MC5R: variants seen among roughly 807,000 people sequenced by gnomAD.
The protein encoded by MC5R is melanocortin 5 receptor.
For missense variants in MC5R, 420 were observed against 431.4 expected (o/e 0.97, Z 0.23); for synonymous variants, 167 against 164.4 (o/e 1.02, Z -0.12).
chr18:13,826,764 T>G lies in MC5R; in HGVS notation c.*21T>G. 6.3e-7 allele frequency: 1 copy of G among 1,580,660 alleles called. No individual in the cohort carries two copies. Among genetic ancestry groups the G allele is most frequent in the Non-Finnish European group, 8.6e-7 (1 of 1,166,698 alleles). ...ATTAAGCACAAAGTGCTCCTCTCTG[T>G]GGCTCTGTTCTCCTTTGTTTGCTCA... On this transcript the variant is annotated 3_prime_UTR_variant, in exon 2 of 2. Coordinates refer to ENST00000589410, the MANE Select transcript of MC5R (RefSeq NM_005913.3).
chr18:13,826,364 T>C lies in MC5R; in HGVS notation c.599T>C (p.Leu200Pro), dbSNP rs1376504095. 6.2e-7 allele frequency: 1 copy of C among 1,614,058 alleles called. No homozygotes were observed. The highest frequency in any genetic ancestry group is 8.5e-7 in the Non-Finnish European group (1 of 1,180,046). Residue 200 changes from leucine to proline, a missense_variant, in exon 2 of 2, where the codon CTC becomes CCC. Leu to Pro is a moderately conservative substitution (Grantham distance 98, BLOSUM62 -3). Transcript: ENST00000589410. ...TCCATGTTCTTCGCTATGCTGTTCC[T>C]CCTGGTGTCTCTGTACATACACATG... ...LISMFFAMLFLLVSLYIHMFL... is the reference protein window; with the variant it reads ...LISMFFAMLFPLVSLYIHMFL...
chr18:13,827,071 C>A lies in MC5R; in HGVS notation c.*328C>A. On this transcript the variant is annotated 3_prime_UTR_variant, in exon 2 of 2. Coordinates refer to ENST00000589410, the MANE Select transcript of MC5R (RefSeq NM_005913.3). ...GAATGCACAGCACCCTCAGTGCAAG[C>A]CAGACATGATGAAACACGTATTGTG... 7.6e-6 allele frequency: 2 copies of A among 262,946 alleles called. No homozygotes were observed. Among genetic ancestry groups the A allele is most frequent in the South Asian group, 2.0e-4 (2 of 10,252 alleles). The allele number at this position is 262,946 out of a possible 1,614,324, so 16.3% of individuals were successfully genotyped here. A position where few individuals can be genotyped will look rare whatever the true frequency, so the allele number is the denominator to read the frequency against.
chr18:13,826,569 C>T lies in MC5R; in HGVS notation c.804C>T (p.Leu268=). 6.2e-7 allele frequency: 1 copy of T among 1,614,192 alleles called. No homozygotes were observed. The change falls in exon 2 of 2, where the codon CTC becomes CTT. Residue 268 remains leucine, a synonymous_variant. Transcript: ENST00000589410. ...TAATGCTTTCTTGCCCTCAGAACCT[C>T]TACTGCTCTCGCTTCATGTCTCACT... is the stretch of plus-strand genomic sequence containing the variant. ...LTLMLSCPQN[L]YCSRFMSHFN...
At chr18:13,825,620 T>C (rs2044923516) in intron 1 of MC5R, 107 bp from the exon 2 acceptor site, 1 of 651,276 alleles carries the variant, frequency 1.5e-6, no homozygotes. Context: ...TGATGCACTG[T>C]GTCATTCATC....
Position 13,826,303 on chromosome 18 carries a change from T to C in MC5R, c.538T>C (p.Tyr180His). Residue 180 changes from tyrosine to histidine, a missense_variant, in exon 2 of 2, where the codon TAC (tyrosine) becomes CAC (histidine). Transcript: ENST00000589410. ...GGGCTGCGGCATTGTCTTCATCCTGTACTCAGAATCCACCTACGTCATCCT... is the reference window on the plus strand; with the variant it reads ...GGGCTGCGGCATTGTCTTCATCCTGCACTCAGAATCCACCTACGTCATCCT... ...CTGCGIVFIL[Y>H]SESTYVILCL... is the part of the protein sequence containing the mutation. 1 of 1,614,210 alleles carries C rather than the reference T, an allele frequency of 6.2e-7. No homozygotes were observed. Among genetic ancestry groups the C allele is most frequent in the Non-Finnish European group, 8.5e-7 (1 of 1,180,040 alleles).
intron 1 of MC5R, 124 bp downstream of exon 1, chr18:13,824,398 G>T (rs1484954044): frequency 1.3e-5 from 2 of 152,248 alleles, no homozygotes; most frequent in African/African-American, 4.8e-5. Context: ...AACACAGCTC[G>T]ATATGATGTT....
chr18:13,824,882 C>G (rs2044918908), intron 1 of MC5R, among the ~76,000 whole-genome samples: 1 of 151,802 alleles, frequency 6.6e-6, no homozygotes, highest in South Asian at 2.1e-4. Flanking sequence ...CCACATAATG[C>G]AGAAGCGAGG....
chr18:13,826,253 T>A lies in MC5R; in HGVS notation c.488T>A (p.Ile163Asn). The change falls in exon 2 of 2, where the codon ATC becomes AAC. Residue 163 changes from isoleucine to asparagine, a missense_variant. Coordinates refer to ENST00000589410, the MANE Select transcript of MC5R (RefSeq NM_005913.3). ...IMTARRSGAIIAGIWAFCTGC... is the reference protein window; with the variant it reads ...IMTARRSGAINAGIWAFCTGC... ...ACGGCGAGGCGCTCAGGGGCCATCA[T>A]CGCCGGCATCTGGGCTTTCTGCACG... The A allele has an allele frequency of 6.2e-7, 1 of 1,614,164 alleles. No individual in the cohort carries two copies. Among genetic ancestry groups the A allele is most frequent in the Non-Finnish European group, 8.5e-7 (1 of 1,180,022 alleles).
At chr18:13,824,695 T>A (rs987236208) in intron 1 of MC5R, among the ~76,000 whole-genome samples, 2 of 151,994 alleles carry the variant, frequency 1.3e-5, no homozygotes, top group African/African-American at 4.8e-5. Context: ...ATGACAGTGA[T>A]GACAGAAATT....
At chr18:13,825,145 C>A (rs368918798) in intron 1 of MC5R, among the ~76,000 whole-genome samples, 1 of 152,152 alleles carries the variant, frequency 6.6e-6, no homozygotes. Context: ...AGTCTTAAAT[C>A]GGAGCTCCCT....
chr18:13,825,130 T>C (rs2149123937), intron 1 of MC5R, among the ~76,000 whole-genome samples: 1 of 152,328 alleles, frequency 6.6e-6, no homozygotes, highest in South Asian at 2.1e-4. Flanking sequence ...AATACGGGTC[T>C]GGGCAGTCTT....
chr18:13,824,809 T>G (rs949912662), intron 1 of MC5R, among the ~76,000 whole-genome samples: 2 of 99,926 alleles, frequency 2.0e-5, no homozygotes, highest in African/African-American at 7.9e-5. Context: ...AAATTGCTGT[T>G]TTTTTTTTTA....
Position 13,825,961 on chromosome 18 carries a change from A to T in MC5R, c.196A>T (p.Asn66Tyr). 6.2e-7 allele frequency: 1 copy of T among 1,614,022 alleles called. No homozygotes were observed. The highest frequency in any genetic ancestry group is 8.5e-7 in the Non-Finnish European group (1 of 1,179,974). ...CATAGGGGCCATAGTGAAGAACAAA[A>T]ACCTGCACTCCCCCATGTACTTCTT... ...LVIGAIVKNKNLHSPMYFFVC... is the reference protein window; with the variant it reads ...LVIGAIVKNKYLHSPMYFFVC... Residue 66 changes from asparagine to tyrosine, a missense_variant, in exon 2 of 2, where the codon AAC becomes TAC. Physicochemically the swap from Asn to Tyr is moderately radical, Grantham distance 143. Coordinates refer to ENST00000589410, the MANE Select transcript of MC5R (RefSeq NM_005913.3).
At chr18:13,825,571 A>ATG in intron 1 of MC5R, 156 bp from the exon 2 acceptor site, 1 of 479,552 alleles carries the variant, frequency 2.1e-6, no homozygotes, top group Non-Finnish European at 3.6e-6. Context: ...TCTTAAAAAA[A>ATG]AAAAAAAAAA....
Position 13,826,211 on chromosome 18 carries a change from G to T in MC5R, c.446G>T (p.Arg149Leu). 6.2e-7 allele frequency: 1 copy of T among 1,614,072 alleles called. No individual in the cohort carries two copies. The highest frequency in any genetic ancestry group is 8.5e-7 in the Non-Finnish European group (1 of 1,180,030). Reference protein sequence around the residue: ...DRYVTIFYALRYHHIMTARRS... With the variant: ...DRYVTIFYALLYHHIMTARRS... ...TACGTCACCATCTTCTACGCCCTGCGCTACCACCACATCATGACGGCGAGG... is the reference window on the plus strand; with the variant it reads ...TACGTCACCATCTTCTACGCCCTGCTCTACCACCACATCATGACGGCGAGG... Residue 149 changes from arginine to leucine, a missense_variant, in exon 2 of 2, where the codon CGC (arginine) becomes CTC (leucine). Transcript: ENST00000589410.
rs1200449399 is a variant in MC5R at position 13,824,173 on chromosome 18, G to GA, written c.-140dup. 1 of 151,442 alleles carries GA rather than the reference G, an allele frequency of 6.6e-6. No homozygotes were observed. The highest frequency in any genetic ancestry group is 2.4e-5 in the African/African-American group (1 of 41,056). 9.4% of individuals were successfully genotyped at this position (151,442 alleles called of 1,614,324 possible). A position where few individuals can be genotyped will look rare whatever the true frequency, so the allele number is the denominator to read the frequency against. On this transcript the variant is annotated 5_prime_UTR_variant, in exon 1 of 2. Coordinates refer to ENST00000589410, the MANE Select transcript of MC5R (RefSeq NM_005913.3). ...CAGAGCCGCAGCCGCCTAGCTGGGG[G>GA]AGAGGCCCGTCCGGGGCTGGCTCTG...
chr18:13,825,266 A>G (rs2044920661), intron 1 of MC5R, among the ~76,000 whole-genome samples: 1 of 152,182 alleles, frequency 6.6e-6, no homozygotes, highest in Admixed American at 6.5e-5. Context: ...AGCCCAGGAG[A>G]GAAGCCATAA....
In MC5R at chr18:13,826,114, G is replaced by A. The variant is rs781524638; in HGVS notation, c.349G>A (p.Val117Met). Residue 117 changes from valine to methionine, a missense_variant, in exon 2 of 2, where the codon GTG (valine) becomes ATG (methionine). Coordinates refer to ENST00000589410, the MANE Select transcript of MC5R (RefSeq NM_005913.3). ...ADAFVRHIDN[V>M]FDSMICISVV... ...CGCCTTTGTGCGCCACATTGACAATGTGTTTGACTCCATGATCTGCATTTC... is the reference window on the plus strand; with the variant it reads ...CGCCTTTGTGCGCCACATTGACAATATGTTTGACTCCATGATCTGCATTTC... 19 of 1,614,054 alleles carry A rather than the reference G, an allele frequency of 1.2e-5. No homozygotes were observed. In the South Asian group the frequency reaches 2.1e-4, roughly 18 times the overall value.
chr18:13,825,609 C>A, intron 1 of MC5R, 118 bp from the exon 2 acceptor site: 1 of 596,632 alleles, frequency 1.7e-6, no homozygotes, highest in Non-Finnish European at 2.9e-6. Context: ...GCCCAGTCCT[C>A]TGATGCACTG....
Sources: allele counts gnomAD v4.1 joint callset (sites outside exome capture counted in the v4.1 genomes callset), GRCh38; gene constraint gnomAD v4.1.1; transcripts MANE v1.5; gene names NCBI Gene and HGNC (gene_info 2026-07-23, HGNC 2026-07-21).